ARPP19: variants seen among roughly 807,000 people sequenced by gnomAD.
ARPP19 encodes cAMP regulated phosphoprotein 19.
Under a neutral mutation model 12.0 loss-of-function variants are expected in ARPP19, and 8 were observed. The observed-to-expected ratio is 0.67, with a 90% CI of 0.39 to 1.21. ARPP19 has a LOEUF of 1.21. Among genes scored for constraint, ARPP19 ranks in the 50% most tolerant of loss-of-function variants. The probability of loss-of-function intolerance (pLI) is 0.01; values close to 1 mark genes in which losing one functional copy is unlikely to be tolerated. For synonymous variants in ARPP19, 47 were observed against 50.4 expected, an observed-to-expected ratio of 0.93 and a Z score of 0.29; for missense variants, 102 against 136.3, an observed-to-expected ratio of 0.75 and a Z score of 1.25.
chr15:52,568,746 C>T, intron 1 of ARPP19, 102 bp downstream of exon 1: 2 of 772,760 alleles, frequency 2.6e-6, no homozygotes, highest in Non-Finnish European at 3.9e-6. Context: ...CCTCATGCGC[C>T]TCGGCCCCGC....
chr15:52,563,766 T>G (rs1014738761), intron 1 of ARPP19, among the ~76,000 whole-genome samples: 1 of 152,220 alleles, frequency 6.6e-6, no homozygotes, highest in Non-Finnish European at 1.5e-5. Context: ...ACATGTTGAC[T>G]GATGCACTGA....
intron 1 of ARPP19, among the ~76,000 whole-genome samples, chr15:52,558,285 T>G (rs1281018108): frequency 6.6e-6 from 1 of 151,814 alleles, no homozygotes; most frequent in Admixed American, 6.6e-5. Flanking sequence ...CCAACCTTTG[T>G]AAAAAAGTTT....
chr15:52,562,869 T>G (rs2078047662), intron 1 of ARPP19, among the ~76,000 whole-genome samples: 1 of 146,798 alleles, frequency 6.8e-6, no homozygotes, highest in South Asian at 2.2e-4. Flanking sequence ...TAAGAAGTTT[T>G]TTTTTTTTTT....
At chr15:52,569,294 G>C (rs1294222417), upstream of ARPP19, 1 of 258,446 alleles carries the variant, frequency 3.9e-6, no homozygotes, top group Non-Finnish European at 7.4e-6. Flanking sequence ...CCTCGTTCTA[G>C]GAGCTTTATT....
intron 1 of ARPP19, among the ~76,000 whole-genome samples, chr15:52,564,789 C>G (rs373822205): frequency 2.0e-5 from 3 of 151,972 alleles, no homozygotes; most frequent in South Asian, 4.2e-4. Flanking sequence ...TAGTTTCGTT[C>G]AAGAGTTCTT....
At chr15:52,561,389 T>C (rs1330252623) in intron 1 of ARPP19, among the ~76,000 whole-genome samples, 5 of 152,172 alleles carry the variant, frequency 3.3e-5, no homozygotes, top group African/African-American at 4.8e-5. Context: ...ACAAAGAAAA[T>C]TGGTATATAC....
chr15:52,550,607 G>A lies in ARPP19; in HGVS notation c.*1327C>T, dbSNP rs1341900317. The A allele has an allele frequency of 1.3e-5, 2 of 151,900 alleles. No individual in the cohort carries two copies. Among genetic ancestry groups the A allele is most frequent in the African/African-American group, 4.8e-5 (2 of 41,348 alleles). 9.4% of individuals were successfully genotyped at this position (151,900 alleles called of 1,614,324 possible). ...ACTAGAGCTCAGGTGACAGAGCAAG[G>A]CCCTATCCTAAAAAAAAAAGAGAAA... On this transcript the variant is annotated 3_prime_UTR_variant, in exon 3 of 3. Transcript: ENST00000249822.
chr15:52,565,807 A>G (rs1011785332), intron 1 of ARPP19, among the ~76,000 whole-genome samples: 4 of 152,234 alleles, frequency 2.6e-5, no homozygotes, highest in Non-Finnish European at 4.4e-5. Flanking sequence ...CAAGCACACA[A>G]TCAAAAATTT....
At chr15:52,553,740 T>C (rs1329935863) in intron 2 of ARPP19, among the ~76,000 whole-genome samples, 1 of 152,238 alleles carries the variant, frequency 6.6e-6, no homozygotes, top group African/African-American at 2.4e-5. Context: ...CTTAAGCTAA[T>C]ATCTTCAGGG....
Position 52,548,953 on chromosome 15 carries a change from G to A in ARPP19, c.*2981C>T, listed in dbSNP as rs2077904149. The A allele has an allele frequency of 6.6e-6, 1 of 152,576 alleles. No homozygotes were observed. The highest frequency in any genetic ancestry group is 1.5e-5 in the Non-Finnish European group (1 of 68,030). The allele number at this position is 152,576 out of a possible 1,614,324, so 9.5% of individuals were successfully genotyped here. A position where few individuals can be genotyped will look rare whatever the true frequency, so the allele number is the denominator to read the frequency against. ...GATGAATAGTTAAGACATATTTTTA[G>A]GTCATCAGCACAAGATTATTGAATA... is the stretch of plus-strand genomic sequence containing the variant. On this transcript the variant is annotated 3_prime_UTR_variant, in exon 3 of 3. Transcript: ENST00000249822.
chr15:52,552,108 TAAGTA>T lies in ARPP19; in HGVS notation c.169-9_169-5del, dbSNP rs2077938274. ...CCCCAGAATCAAAATATTTTTGCTA[TAAGTA>T]AAAACAAAAAAAATTCAGATTAGAG... On this transcript the variant is annotated splice_region_variant and splice_polypyrimidine_tract_variant and intron_variant, in intron 2 of 2. Transcript: ENST00000249822. 3.7e-6 allele frequency: 6 copies of T among 1,603,418 alleles called. No homozygotes were observed. The highest frequency in any genetic ancestry group is 5.1e-6 in the Non-Finnish European group (6 of 1,170,498).
intron 2 of ARPP19, chr15:52,556,882 TTAAA>T (rs1196284690): frequency 1.1e-5 from 5 of 439,122 alleles, no homozygotes; most frequent in South Asian, 4.5e-5. Context: ...TCTACATGCT[TTAAA>T]TAGTTTATTA....
chr15:52,569,254 C>G (rs1417756193), upstream of ARPP19: 1 of 311,220 alleles, frequency 3.2e-6, no homozygotes, highest in Non-Finnish European at 5.9e-6. Context: ...GGAACCGCCC[C>G]TCCCCGCCCT....
At chr15:52,555,407 T>C (rs1190146884) in intron 2 of ARPP19, among the ~76,000 whole-genome samples, 1 of 111,372 alleles carries the variant, frequency 9.0e-6, no homozygotes, top group Non-Finnish European at 2.3e-5. Flanking sequence ...ATTAAATAAT[T>C]TATCTCATAA....
At chr15:52,564,622 C>G (rs1040347519) in intron 1 of ARPP19, among the ~76,000 whole-genome samples, 3 of 152,116 alleles carry the variant, frequency 2.0e-5, no homozygotes, top group Non-Finnish European at 4.4e-5. Context: ...GTATCTCTTA[C>G]CTGACAAATA....
chr15:52,559,204 A>G (rs966827469), intron 1 of ARPP19, among the ~76,000 whole-genome samples: 10 of 152,162 alleles, frequency 6.6e-5, no homozygotes, highest in Non-Finnish European at 1.5e-4. Context: ...ACGACATTCA[A>G]TTATGTGCAC....
intron 1 of ARPP19, among the ~76,000 whole-genome samples, chr15:52,559,459 C>T (rs774684378): frequency 1.3e-5 from 2 of 152,188 alleles, no homozygotes; most frequent in Non-Finnish European, 2.9e-5. Flanking sequence ...AAGAATCACC[C>T]TAGCCATCTA....
chr15:52,559,010 G>A (rs2078008537), intron 1 of ARPP19, among the ~76,000 whole-genome samples: 1 of 151,992 alleles, frequency 6.6e-6, no homozygotes, highest in Non-Finnish European at 1.5e-5. Flanking sequence ...TATATTATCA[G>A]TATTTCATCC....
chr15:52,560,861 G>C (rs1016053219), intron 1 of ARPP19, among the ~76,000 whole-genome samples: 2 of 152,220 alleles, frequency 1.3e-5, no homozygotes, highest in African/African-American at 4.8e-5. Context: ...ACATATGGCA[G>C]ATAAACAGGG....
Sources: allele counts gnomAD v4.1 joint callset (sites outside exome capture counted in the v4.1 genomes callset), GRCh38; gene constraint gnomAD v4.1.1; transcripts MANE v1.5; gene names NCBI Gene and HGNC (gene_info 2026-07-23, HGNC 2026-07-21).